SLC39A14: variants seen among roughly 807,000 people sequenced by gnomAD.
SLC39A14 encodes the protein solute carrier family 39 member 14.
In SLC39A14, 19 loss-of-function variants were observed where a neutral mutation model predicts 45.5. The observed-to-expected ratio is 0.42, with a 90% confidence interval of 0.29 to 0.61. The LOEUF (loss-of-function observed/expected upper bound fraction) is 0.61. SLC39A14 is among the 20% of genes least tolerant of loss of function. The pLI, the probability that SLC39A14 is intolerant of heterozygous loss-of-function variation, is 0.22. For synonymous variants in SLC39A14, 264 were observed against 251.3 expected (o/e 1.05, Z -0.48); for missense variants, 447 against 616.5 (o/e 0.73, Z 2.91).
chr8:22,368,371 C>A (rs1181649821), intron 1 of SLC39A14, among the ~76,000 whole-genome samples: 3 of 152,122 alleles, frequency 2.0e-5, no homozygotes, highest in African/African-American at 7.2e-5. Flanking sequence ...TTAGCCCTGG[C>A]CTCTGTCCCT....
At chr8:22,378,555 T>C (rs1833333478) in intron 1 of SLC39A14, among the ~76,000 whole-genome samples, 1 of 152,168 alleles carries the variant, frequency 6.6e-6, no homozygotes, top group South Asian at 2.1e-4. Context: ...TTCCATGTGG[T>C]CTCCTCCATC....
At chr8:22,397,828 G>A (rs1834595969) in intron 1 of SLC39A14, among the ~76,000 whole-genome samples, 1 of 152,216 alleles carries the variant, frequency 6.6e-6, no homozygotes, top group East Asian at 1.9e-4. Flanking sequence ...GGAAGGAAGA[G>A]TGGAGAAAGC....
chr8:22,391,871 G>A (rs984969234), intron 1 of SLC39A14, among the ~76,000 whole-genome samples: 1 of 152,130 alleles, frequency 6.6e-6, no homozygotes, highest in East Asian at 1.9e-4. Flanking sequence ...CCCGGCCAGG[G>A]CTCCCTGTTC....
chr8:22,420,124 T>G lies in SLC39A14; in HGVS notation c.*426T>G, dbSNP rs1836141878. On this transcript the variant is annotated 3_prime_UTR_variant, in exon 9 of 9. Transcript: ENST00000381237. The stretch of plus-strand genomic sequence containing the variant: ...GAATCCATAGTGTGGGGCCCATGAC[T>G]CTAGCTGGGCACCTTGGACCTCCAG... The G allele has an allele frequency of 8.1e-6, 8 of 987,294 alleles. No individual in the cohort carries two copies. The highest frequency in any genetic ancestry group is 1.7e-5 in the African/African-American group (1 of 57,314). 61.2% of individuals were successfully genotyped at this position (987,294 alleles called of 1,614,324 possible).
At position 22,419,694 on chromosome 8, in the gene SLC39A14, G is replaced by A. The variant is rs142292859; in HGVS notation, c.1475G>A (p.Gly492Glu). 4.1e-4 allele frequency: 660 copies of A among 1,600,018 alleles called. 1 individual carries two copies. Among genetic ancestry groups the A allele is most frequent in the Non-Finnish European group, 5.1e-4 (594 of 1,173,648 alleles). ...LTMYSGQIQIG is the reference protein window; with the variant it reads ...LTMYSGQIQIE ...ATGTATTCAGGACAGATCCAGATTGGGTAGGGCTCTGCCAAGAGCCTGTGG... is the reference window on the plus strand; with the variant it reads ...ATGTATTCAGGACAGATCCAGATTGAGTAGGGCTCTGCCAAGAGCCTGTGG... Residue 492 changes from glycine (G) to glutamate (E), a missense_variant, in exon 9 of 9, where the codon GGG becomes GAG. By Grantham distance (98) the Gly-to-Glu change is moderately conservative. Coordinates refer to ENST00000381237, the MANE Select transcript of SLC39A14 (RefSeq NM_001128431.4).
intron 1 of SLC39A14, chr8:22,398,893 C>T: frequency 4.0e-6 from 1 of 250,540 alleles, no homozygotes; most frequent in South Asian, 1.5e-4. Context: ...TTTCCTATGT[C>T]TCCCTCCCAC....
chr8:22,386,157 C>G (rs1428293706), intron 1 of SLC39A14, among the ~76,000 whole-genome samples: 2 of 151,912 alleles, frequency 1.3e-5, no homozygotes, highest in Admixed American at 6.6e-5. Flanking sequence ...GTTGGCCAGG[C>G]TGGTCCCGAA....
intron 1 of SLC39A14, among the ~76,000 whole-genome samples, chr8:22,384,696 G>A (rs903460995): frequency 1.1e-4 from 16 of 148,506 alleles, no homozygotes; most frequent in African/African-American, 3.7e-4. Context: ...GCAGTGAGCC[G>A]AGATTGTACC....
At chr8:22,379,947 A>G (rs1833417649) in intron 1 of SLC39A14, among the ~76,000 whole-genome samples, 1 of 148,562 alleles carries the variant, frequency 6.7e-6, no homozygotes, top group South Asian at 2.1e-4. Flanking sequence ...AAAAAAAAAA[A>G]GAAAAGAAAA....
intron 1 of SLC39A14, among the ~76,000 whole-genome samples, chr8:22,403,260 G>T (rs1834990497): frequency 6.6e-6 from 1 of 151,156 alleles, no homozygotes; most frequent in Admixed American, 6.6e-5. Flanking sequence ...ACAGGCATGA[G>T]CCACTGCGCC....
chr8:22,393,043 A>T (rs1834169435), intron 1 of SLC39A14: 1 of 169,142 alleles, frequency 5.9e-6, no homozygotes. Flanking sequence ...TTTTATTATT[A>T]TTTTTCTTAG....
Position 22,373,486 on chromosome 8 carries a change from A to G in SLC39A14, c.-16+6078A>G, listed in dbSNP as rs561114155. Among the ~76,000 whole-genome samples the G allele has an allele frequency of 2.6e-5, 4 of 152,280 alleles. No individual in the cohort carries two copies. The South Asian group carries it at 6.2e-4, about 24-fold the overall frequency. ...TGAGCTAATCTCTGAGACCACCTAT[A>G]TATTATATTATACCCTAAACTTCTA... On this transcript the variant is annotated intron_variant, in intron 1 of 8. Transcript: ENST00000381237.
chr8:22,381,817 T>TA (rs536351297), intron 1 of SLC39A14, among the ~76,000 whole-genome samples: 47 of 151,586 alleles, frequency 3.1e-4, no homozygotes, highest in Admixed American at 9.9e-4. Context: ...AATAAACCAA[T>TA]AAAAAAAACA....
chr8:22,404,810 G>T lies in SLC39A14; in HGVS notation c.100G>T (p.Gly34Cys), dbSNP rs1245442208. ...TTPEAHASSL[G>C]APAISAASFL... ...CCCTGAGGCTCACGCTTCATCCCTG[G>T]GTGCACCAGCTATCAGCGCTGCCTC... The change falls in exon 2 of 9, where the codon GGT becomes TGT. Residue 34 changes from glycine (G) to cysteine (C), a missense_variant. This residue lies in a region of SLC39A14 where 342 missense variants were observed against 428.1 expected (regional missense o/e 0.80). Coordinates refer to ENST00000381237, the MANE Select transcript of SLC39A14 (RefSeq NM_001128431.4). 6.2e-7 allele frequency: 1 copy of T among 1,613,400 alleles called. No individual in the cohort carries two copies. The highest frequency in any genetic ancestry group is 8.5e-7 in the Non-Finnish European group (1 of 1,179,534).
Position 22,421,697 on chromosome 8 carries a change from A to G in SLC39A14, c.*1999A>G, listed in dbSNP as rs1017491638. 5.1e-6 allele frequency: 5 copies of G among 984,580 alleles called. No homozygotes were observed. The African/African-American group carries it at 8.7e-5, about 17-fold the overall frequency. The allele number at this position is 984,580 out of a possible 1,614,324, so 61.0% of individuals were successfully genotyped here. A position where few individuals can be genotyped will look rare whatever the true frequency, so the allele number is the denominator to read the frequency against. The stretch of plus-strand genomic sequence containing the variant: ...TTTTGCTTTAACCTAACTCGCATTG[A>G]TGTATTAAATTTATAATTTTAGCAT... On this transcript the variant is annotated 3_prime_UTR_variant, in exon 9 of 9. Transcript: ENST00000381237.
chr8:22,414,953 T>G, intron 5 of SLC39A14, 51 bp downstream of exon 5: 1 of 1,595,428 alleles, frequency 6.3e-7, no homozygotes, highest in Non-Finnish European at 8.5e-7. Context: ...AACACCCATC[T>G]CAAACAATGT....
rs1835119318 is a variant in SLC39A14, at chr8:22,404,869, G to A, written c.159G>A (p.Glu53=). Reference sequence around the variant, plus strand: ...AGGATCTAATACATCGGTATGGCGAGGGTGACAGCCTCACTCTGCAGCAGC... The same window carrying A: ...AGGATCTAATACATCGGTATGGCGAAGGTGACAGCCTCACTCTGCAGCAGC... ...FLQDLIHRYG[E]GDSLTLQQLK... The change falls in exon 2 of 9, where the codon GAG becomes GAA. Residue 53 remains glutamate (E), a synonymous_variant. Transcript: ENST00000381237. 4 of 1,614,078 alleles carry A rather than the reference G, an allele frequency of 2.5e-6. No homozygotes were observed. The highest frequency in any genetic ancestry group is 3.4e-6 in the Non-Finnish European group (4 of 1,180,034).
intron 1 of SLC39A14, among the ~76,000 whole-genome samples, chr8:22,375,481 A>G (rs1833165072): frequency 6.6e-6 from 1 of 150,510 alleles, no homozygotes; most frequent in Non-Finnish European, 1.5e-5. Flanking sequence ...ATTCTGCCTT[A>G]TGGCTGTATC....
At chr8:22,378,475 C>A (rs1180605705) in intron 1 of SLC39A14, among the ~76,000 whole-genome samples, 1 of 152,192 alleles carries the variant, frequency 6.6e-6, no homozygotes, top group Non-Finnish European at 1.5e-5. Flanking sequence ...CCTGCCCCCT[C>A]ACCCCTATTT....
Sources: allele counts gnomAD v4.1 joint callset (sites outside exome capture counted in the v4.1 genomes callset), GRCh38; gene constraint gnomAD v4.1.1; regional missense constraint gnomAD v4.1.1; transcripts MANE v1.5; gene names NCBI Gene and HGNC (gene_info 2026-07-23, HGNC 2026-07-21).